Variants in RNF138 observed in about 807,000 individuals in gnomAD.
The protein encoded by RNF138 is E3 ubiquitin-protein ligase RNF138.
Under a neutral mutation model 31.0 loss-of-function variants are expected in RNF138, and 12 were observed. That is an observed-to-expected ratio of 0.39 (90% confidence interval 0.25 to 0.63). The LOEUF is 0.63. RNF138 is among the 20% of genes least tolerant of loss of function. The pLI, the probability that RNF138 is intolerant of heterozygous loss-of-function variation, is 0.52. For synonymous variants in RNF138, 105 were observed against 99.5 expected (o/e 1.06, Z -0.33); for missense variants, 192 against 300.1 (o/e 0.64, Z 2.66).
Position 32,111,735 on chromosome 18 carries a change from G to C in RNF138, c.111-19G>C. ...GAGTAATTTTTTTTGTAATTAATGT[G>C]TCACAATGTTTGGTTTAGTTTCTGT... On this transcript the variant is annotated intron_variant, in intron 2 of 7. Transcript: ENST00000261593. 1 of 1,600,378 alleles carries C rather than the reference G, an allele frequency of 6.2e-7. No homozygotes were observed. The highest frequency in any genetic ancestry group is 8.5e-7 in the Non-Finnish European group (1 of 1,174,024).
At chr18:32,111,333 A>G (rs932436208) in intron 2 of RNF138, among the ~76,000 whole-genome samples, 1 of 152,184 alleles carries the variant, frequency 6.6e-6, no homozygotes, top group Non-Finnish European at 1.5e-5. Context: ...ACAAAAGCTT[A>G]TGTTACTCAT....
At chr18:32,117,193 G>A (rs1245405003) in intron 4 of RNF138, among the ~76,000 whole-genome samples, 4 of 151,924 alleles carry the variant, frequency 2.6e-5, no homozygotes, top group East Asian at 1.9e-4. Context: ...TGAACCACCC[G>A]CGCCCAGCCA....
Position 32,129,200 on chromosome 18 carries a change from T to G in RNF138, c.*13T>G. On this transcript the variant is annotated 3_prime_UTR_variant, in exon 8 of 8. Coordinates refer to ENST00000261593, the MANE Select transcript of RNF138 (RefSeq NM_016271.5). ...AGTAAACATCTGAAGGCTGTAGACA[T>G]CTCTGCATCTTTGTACCTGCAAGTG... 2 of 1,597,026 alleles carry G rather than the reference T, an allele frequency of 1.3e-6. No individual in the cohort carries two copies. Among genetic ancestry groups the G allele is most frequent in the Non-Finnish European group, 1.7e-6 (2 of 1,166,100 alleles).
chr18:32,113,929 G>C, intron 4 of RNF138, 69 bp downstream of exon 4: 1 of 816,440 alleles, frequency 1.2e-6, no homozygotes, highest in South Asian at 1.6e-5. Flanking sequence ...GGAACTATAT[G>C]ATAAGGTATT....
At chr18:32,117,051 A>T (rs1438533746) in intron 4 of RNF138, among the ~76,000 whole-genome samples, 4 of 151,490 alleles carry the variant, frequency 2.6e-5, no homozygotes, top group Non-Finnish European at 5.9e-5. Flanking sequence ...ACAGGTGCCC[A>T]CCACCACGCC....
intron 4 of RNF138, among the ~76,000 whole-genome samples, chr18:32,120,259 A>G (rs558879111): frequency 1.3e-5 from 2 of 152,264 alleles, no homozygotes; most frequent in South Asian, 4.1e-4. Flanking sequence ...TTCCCCATTA[A>G]TAGTTTTACT....
At chr18:32,110,205 C>T (rs775459146) in intron 2 of RNF138, among the ~76,000 whole-genome samples, 3 of 152,138 alleles carry the variant, frequency 2.0e-5, no homozygotes, top group Non-Finnish European at 4.4e-5. Context: ...GTTGCCCAGG[C>T]TGGTCTTCAA....
chr18:32,099,807 A>C (rs956838926), intron 2 of RNF138, among the ~76,000 whole-genome samples: 2 of 152,258 alleles, frequency 1.3e-5, no homozygotes, highest in African/African-American at 4.8e-5. Flanking sequence ...CTTTATAAAG[A>C]AAGCATCCAA....
chr18:32,095,819 A>AT (rs2039795099), intron 2 of RNF138, among the ~76,000 whole-genome samples: 2 of 152,230 alleles, frequency 1.3e-5, no homozygotes, highest in African/African-American at 4.8e-5. Flanking sequence ...AGGGACTACT[A>AT]AGTACTGTTT....
intron 2 of RNF138, among the ~76,000 whole-genome samples, chr18:32,103,702 G>A (rs536313874): frequency 1.3e-5 from 2 of 152,182 alleles, no homozygotes; most frequent in South Asian, 2.1e-4. Context: ...GGTGGCTCAC[G>A]CCTGTAATCC....
chr18:32,109,732 C>G (rs1001741326), intron 2 of RNF138, among the ~76,000 whole-genome samples: 1 of 152,020 alleles, frequency 6.6e-6, no homozygotes, highest in Non-Finnish European at 1.5e-5. Context: ...ACAAAAAGTA[C>G]AAAAATTAGC....
At chr18:32,101,644 C>T (rs935354300) in intron 2 of RNF138, among the ~76,000 whole-genome samples, 7 of 151,984 alleles carry the variant, frequency 4.6e-5, no homozygotes, top group African/African-American at 1.5e-4. Context: ...ATATTATGTA[C>T]GCAATAAGTG....
At chr18:32,113,444 C>T (rs2040166311) in intron 3 of RNF138, among the ~76,000 whole-genome samples, 1 of 152,088 alleles carries the variant, frequency 6.6e-6, no homozygotes, top group South Asian at 2.1e-4. Context: ...CATCTGGCAT[C>T]CTCTTAGTGC....
Position 32,091,966 on chromosome 18 carries a change from T to A in RNF138, c.-347T>A, listed in dbSNP as rs2144547077. 6.6e-6 allele frequency: 1 copy of A among 152,132 alleles called. No individual in the cohort carries two copies. Among genetic ancestry groups the A allele is most frequent in the East Asian group, 2.1e-4 (1 of 4,756 alleles). 9.4% of individuals were successfully genotyped at this position (152,132 alleles called of 1,614,324 possible). On this transcript the variant is annotated 5_prime_UTR_variant, in exon 1 of 8. Transcript: ENST00000261593. ...CGCCCAGATCCCCGGCGCTCCCGCG[T>A]TCGGTGACGGCCGGGTAGGCTGTAG...
chr18:32,124,677 A>C (rs2040357716), intron 5 of RNF138, 57 bp from the exon 6 acceptor site: 1 of 830,334 alleles, frequency 1.2e-6, no homozygotes, highest in Non-Finnish European at 2.1e-6. Context: ...AAAATAGGAG[A>C]GCGTTATTTT....
chr18:32,108,416 G>A (rs546673961), intron 2 of RNF138, among the ~76,000 whole-genome samples: 5 of 152,114 alleles, frequency 3.3e-5, no homozygotes, highest in South Asian at 4.1e-4. Context: ...AAATAGAATC[G>A]TGCAGTTTGT....
intron 2 of RNF138, 31 bp downstream of exon 2, chr18:32,092,917 C>G: frequency 7.4e-7 from 1 of 1,348,068 alleles, no homozygotes; most frequent in Non-Finnish European, 1.0e-6. Context: ...CCTCGCGGAG[C>G]CGGGTTGTCG....
chr18:32,118,589 G>C (rs1197047895), intron 4 of RNF138, among the ~76,000 whole-genome samples: 3 of 151,844 alleles, frequency 2.0e-5, no homozygotes, highest in Non-Finnish European at 4.4e-5. Context: ...CCAGCACTTT[G>C]GGAGGCTGAG....
chr18:32,093,521 T>C (rs985396362), intron 2 of RNF138, among the ~76,000 whole-genome samples: 5 of 152,222 alleles, frequency 3.3e-5, no homozygotes, highest in African/African-American at 9.6e-5. Context: ...TTTTCTTCTC[T>C]GGTCTCTTAA....
Sources: allele counts gnomAD v4.1 joint callset (sites outside exome capture counted in the v4.1 genomes callset), GRCh38; gene constraint gnomAD v4.1.1; transcripts MANE v1.5; gene names NCBI Gene and HGNC (gene_info 2026-07-23, HGNC 2026-07-21).